Variants in GRID2 observed in about 807,000 individuals in gnomAD.
GRID2 encodes glutamate receptor ionotropic, delta-2.
In GRID2, 33 loss-of-function variants were observed where a neutral mutation model predicts 114.8. The ratio of observed to expected loss-of-function variants is 0.29; its 90% CI spans 0.22 to 0.38. GRID2 has a LOEUF of 0.38. Among genes scored for constraint, GRID2 ranks in the 10% least tolerant of loss-of-function variants. The probability of loss-of-function intolerance (pLI) is 1.00; values close to 1 mark genes in which losing one functional copy is unlikely to be tolerated. For synonymous variants in GRID2, 505 were observed against 449.9 expected, an observed-to-expected ratio of 1.12 and a Z score of -1.55; for missense variants, 1,184 against 1,257.7, an observed-to-expected ratio of 0.94 and a Z score of 0.89.
intron 2 of GRID2, among the ~76,000 whole-genome samples, chr4:92,715,279 A>T (rs1735481743): frequency 6.6e-6 from 1 of 152,130 alleles, no homozygotes; most frequent in Non-Finnish European, 1.5e-5. Context: ...AGACCACCTT[A>T]GCCTGGATTT....
intron 2 of GRID2, among the ~76,000 whole-genome samples, chr4:92,875,807 C>T (rs1745586658): frequency 6.6e-6 from 1 of 152,056 alleles, no homozygotes; most frequent in South Asian, 2.1e-4. Context: ...ACCATATCTA[C>T]CTAGAATAAA....
chr4:92,315,993 C>CAAAAAAAAAAAAAA (rs778361565), intron 1 of GRID2, among the ~76,000 whole-genome samples: 69 of 61,832 alleles, frequency 1.1e-3, no homozygotes, highest in South Asian at 2.6e-3. Context: ...AAACAAAAAG[C>CAAAAAAAAAAAAAA]AAAAAAAAAA....
rs554780574 is a variant in GRID2, at chr4:92,956,730, G to A, written c.245-128265G>A. On this transcript the variant is annotated intron_variant, in intron 2 of 15. Transcript: ENST00000282020. The stretch of plus-strand genomic sequence containing the variant: ...AGTATGTTTCATTTTCTAAGAAGCT[G>A]CCTGTTTTTCATAGCAGCTGTAACA... Among the ~76,000 whole-genome samples the A allele has an allele frequency of 2.0e-5, 3 of 152,260 alleles. No homozygotes were observed. In the East Asian group the frequency reaches 5.8e-4, roughly 29 times the overall value.
chr4:92,324,503 T>G (rs770885875), intron 1 of GRID2, among the ~76,000 whole-genome samples: 1 of 151,940 alleles, frequency 6.6e-6, no homozygotes, highest in Non-Finnish European at 1.5e-5. Context: ...ATATTCTTGA[T>G]TATATTCTTG....
intron 1 of GRID2, among the ~76,000 whole-genome samples, chr4:92,328,181 T>TG (rs1330981983): frequency 6.6e-6 from 1 of 152,030 alleles, no homozygotes; most frequent in African/African-American, 2.4e-5. Flanking sequence ...CAGCTGCATG[T>TG]GGTCTAGGTC....
At position 93,353,287 on chromosome 4, in the gene GRID2, A is replaced by C. The variant is rs533070026; in HGVS notation, c.1246-42320A>C. On this transcript the variant is annotated intron_variant, in intron 8 of 15. Transcript: ENST00000282020. The stretch of plus-strand genomic sequence containing the variant: ...TCTACCAAAAGAGAGGAACCTATTA[A>C]AGAAGGAAAAGTACCAGGAACCCTG... 9.0e-4 allele frequency among the ~76,000 whole-genome samples: 137 copies of C among 152,166 alleles called. 1 individual carries two copies. Among genetic ancestry groups the C allele is most frequent in the African/African-American group, 3.2e-3 (134 of 41,564 alleles).
chr4:93,723,934 A>C (rs1334291567), intron 14 of GRID2, among the ~76,000 whole-genome samples: 1 of 152,196 alleles, frequency 6.6e-6, no homozygotes, highest in East Asian at 1.9e-4. Context: ...TGTTTCTTTA[A>C]AGGGAGAGTC....
chr4:93,580,867 C>A (rs553390320), intron 13 of GRID2, among the ~76,000 whole-genome samples: 7 of 140,532 alleles, frequency 5.0e-5, no homozygotes, highest in African/African-American at 1.9e-4. Flanking sequence ...ATAGCATTTG[C>A]AAATTGTCAT....
chr4:92,526,406 C>T (rs918700531), intron 1 of GRID2, among the ~76,000 whole-genome samples: 3 of 152,012 alleles, frequency 2.0e-5, no homozygotes, highest in Non-Finnish European at 2.9e-5. Context: ...TGCAATGGAG[C>T]GATCTCGGCT....
intron 2 of GRID2, among the ~76,000 whole-genome samples, chr4:92,704,723 T>TCTTTC (rs1734861937): frequency 1.2e-3 from 104 of 90,096 alleles, no homozygotes; most frequent in African/African-American, 4.0e-3. Context: ...CTCTCTCTCT[T>TCTTTC]TCTCTCTCTC....
chr4:93,286,912 A>C (rs1267379996), intron 8 of GRID2, among the ~76,000 whole-genome samples: 1 of 152,120 alleles, frequency 6.6e-6, no homozygotes, highest in Non-Finnish European at 1.5e-5. Context: ...ATATAGAAAA[A>C]TTAGAATAAT....
chr4:93,530,730 A>G (rs1435171984), intron 13 of GRID2, among the ~76,000 whole-genome samples: 1 of 152,086 alleles, frequency 6.6e-6, no homozygotes. Flanking sequence ...CACATACCTG[A>G]TTCATCAGTG....
chr4:92,999,470 A>G (rs775290114), intron 2 of GRID2, among the ~76,000 whole-genome samples: 8 of 151,810 alleles, frequency 5.3e-5, no homozygotes, highest in Non-Finnish European at 8.9e-5. Flanking sequence ...ATGAATAAAA[A>G]CAGACTATAG....
chr4:93,225,238 A>C (rs1745357052), intron 7 of GRID2, among the ~76,000 whole-genome samples: 2 of 152,208 alleles, frequency 1.3e-5, no homozygotes, highest in South Asian at 4.1e-4. Context: ...AATATGTTGC[A>C]GCATTTGTGA....
intron 1 of GRID2, among the ~76,000 whole-genome samples, chr4:92,377,604 C>T (rs962752628): frequency 6.6e-6 from 1 of 152,118 alleles, no homozygotes; most frequent in Non-Finnish European, 1.5e-5. Flanking sequence ...AGTCTGTTTT[C>T]ACGCTGCTGA....
chr4:92,748,461 A>G (rs1001581520), intron 2 of GRID2, among the ~76,000 whole-genome samples: 1 of 151,702 alleles, frequency 6.6e-6, no homozygotes, highest in South Asian at 2.1e-4. Flanking sequence ...CAGCAACTCT[A>G]CCCTCTTCCT....
intron 14 of GRID2, among the ~76,000 whole-genome samples, chr4:93,760,485 A>G (rs1733112363): frequency 6.6e-6 from 1 of 152,226 alleles, no homozygotes; most frequent in Non-Finnish European, 1.5e-5. Flanking sequence ...CTTTTTAAAC[A>G]GGTCTCTGCT....
At chr4:92,963,965 C>T (rs1222528884) in intron 2 of GRID2, among the ~76,000 whole-genome samples, 3 of 151,960 alleles carry the variant, frequency 2.0e-5, no homozygotes, top group Admixed American at 2.0e-4. Flanking sequence ...TAACCAGGTG[C>T]ATTGTCAATA....
chr4:93,470,911 A>T (rs1580175468), intron 11 of GRID2, among the ~76,000 whole-genome samples: 1 of 89,084 alleles, frequency 1.1e-5, no homozygotes, highest in Non-Finnish European at 3.4e-5. Context: ...TTCTGTTATG[A>T]TATTGTAAAA....
Sources: allele counts gnomAD v4.1 joint callset (sites outside exome capture counted in the v4.1 genomes callset), GRCh38; gene constraint gnomAD v4.1.1; transcripts MANE v1.5; gene names NCBI Gene and HGNC (gene_info 2026-07-23, HGNC 2026-07-21).